Variants in PTPRT observed in about 807,000 individuals in gnomAD.
PTPRT encodes receptor-type tyrosine-protein phosphatase T.
A neutral mutation model predicts 176.8 loss-of-function variants in PTPRT; 56 were observed. That is an observed-to-expected ratio of 0.32 (90% CI 0.26 to 0.40). The LOEUF (loss-of-function observed/expected upper bound fraction) is 0.40. PTPRT is among the 10% of genes least tolerant of loss of function. PTPRT has a pLI of 1.00. For synonymous variants in PTPRT, 783 were observed against 739.0 expected (o/e 1.06, Z -0.96); for missense variants, 1,540 against 1,908.2 (o/e 0.81, Z 3.60).
chr20:42,498,324 G>T (rs887279617), intron 7 of PTPRT, among the ~76,000 whole-genome samples: 2 of 152,132 alleles, frequency 1.3e-5, no homozygotes, highest in African/African-American at 2.4e-5. Flanking sequence ...GGTTGGACAT[G>T]TCTCATTACA....
At chr20:42,319,248 G>C (rs1352617949) in intron 11 of PTPRT, among the ~76,000 whole-genome samples, 1 of 147,960 alleles carries the variant, frequency 6.8e-6, no homozygotes, top group Admixed American at 6.8e-5. Context: ...TTCATTCATA[G>C]CTCAGTATCC....
intron 7 of PTPRT, among the ~76,000 whole-genome samples, chr20:42,555,724 A>G (rs1230584995): frequency 2.0e-5 from 3 of 152,156 alleles, no homozygotes; most frequent in Non-Finnish European, 2.9e-5. Flanking sequence ...GTATTGCTGT[A>G]CAGAACATCT....
chr20:42,810,584 A>T (rs1427802736), intron 2 of PTPRT, among the ~76,000 whole-genome samples: 2 of 152,226 alleles, frequency 1.3e-5, no homozygotes, highest in African/African-American at 4.8e-5. Context: ...GCAGTTCTGA[A>T]GCTTACCATT....
At chr20:42,218,939 G>A (rs1328542061) in intron 15 of PTPRT, among the ~76,000 whole-genome samples, 1 of 152,202 alleles carries the variant, frequency 6.6e-6, no homozygotes, top group East Asian at 1.9e-4. Context: ...GACAGCCGGT[G>A]GGCTGTTCTC....
At chr20:43,000,198 G>C (rs77674608) in intron 1 of PTPRT, among the ~76,000 whole-genome samples, 9,572 of 152,000 alleles carry the variant, frequency 0.063, 327 homozygotes, top group Non-Finnish European at 0.079. Flanking sequence ...ACTCAAAACA[G>C]AATATAAACT....
intron 6 of PTPRT, among the ~76,000 whole-genome samples, chr20:42,698,730 C>T (rs2075924375): frequency 6.6e-6 from 1 of 152,126 alleles, no homozygotes; most frequent in Admixed American, 6.5e-5. Context: ...CAAAGATTTC[C>T]TGAACACTCA....
chr20:42,504,145 G>T (rs2071803718), intron 7 of PTPRT, among the ~76,000 whole-genome samples: 1 of 151,958 alleles, frequency 6.6e-6, no homozygotes, highest in South Asian at 2.1e-4. Flanking sequence ...GTACCTAGAA[G>T]GATGCCTGGA....
At position 42,323,325 on chromosome 20, in the gene PTPRT, G is replaced by T. The variant is rs527610202; in HGVS notation, c.1866-7329C>A. ...CACATGCACACATATGTTTATTGCG[G>T]CACTATTCACAATAGCAAAGACTCG... On this transcript the variant is annotated intron_variant, in intron 11 of 30. Transcript: ENST00000373187. Among the ~76,000 whole-genome samples the T allele has an allele frequency of 3.9e-5, 6 of 152,208 alleles. No homozygotes were observed. In the South Asian group the frequency reaches 1.0e-3, roughly 26 times the overall value.
At chr20:42,376,117 C>T (rs959594969) in intron 9 of PTPRT, among the ~76,000 whole-genome samples, 2 of 152,140 alleles carry the variant, frequency 1.3e-5, no homozygotes, top group African/African-American at 2.4e-5. Flanking sequence ...TCCCCAATTA[C>T]GTGAGAAAAC....
chr20:42,327,080 GGTGT>G lies in PTPRT; in HGVS notation c.1866-11088_1866-11085del, dbSNP rs139401290. Among the ~76,000 whole-genome samples the G allele has an allele frequency of 7.2e-3, 1,055 of 146,220 alleles. 4 individuals are homozygous for G. Among genetic ancestry groups the G allele is most frequent in the East Asian group, 0.012 (61 of 4,986 alleles). ...GTTAAATAAAAATGGACTAGGTAGG[GGTGT>G]GTGTGTGTGTGTGTGTGTGTGTGTG... On this transcript the variant is annotated intron_variant, in intron 11 of 30. Transcript: ENST00000373187.
the PTPRT span, among the ~76,000 whole-genome samples, chr20:42,055,874 T>A: frequency 6.6e-6 from 1 of 151,846 alleles, no homozygotes; most frequent in African/African-American, 2.4e-5. Flanking sequence ...AGAGTAGGAG[T>A]GTAATTTCTG....
intron 7 of PTPRT, among the ~76,000 whole-genome samples, chr20:42,558,312 A>T (rs116543291): frequency 0.014 from 2,155 of 152,234 alleles, 61 homozygotes; most frequent in African/African-American, 0.05. Flanking sequence ...CCTGAAAAAG[A>T]CATGATCTCA....
At chr20:42,363,562 G>A (rs369954503) in intron 9 of PTPRT, among the ~76,000 whole-genome samples, 23 of 151,288 alleles carry the variant, frequency 1.5e-4, no homozygotes, top group Admixed American at 4.0e-4. Flanking sequence ...AGCCCGCCTC[G>A]GCCTCCCAAA....
intron 7 of PTPRT, among the ~76,000 whole-genome samples, chr20:42,669,961 A>G (rs1438450992): frequency 6.6e-6 from 1 of 152,088 alleles, no homozygotes; most frequent in Non-Finnish European, 1.5e-5. Context: ...AAAAAGGACA[A>G]TTCCCATCCC....
intron 7 of PTPRT, among the ~76,000 whole-genome samples, chr20:42,581,788 G>A (rs147272167): frequency 9.3e-4 from 141 of 152,224 alleles, no homozygotes; most frequent in African/African-American, 3.3e-3. Flanking sequence ...TTAAAACATC[G>A]CAATTGTAGG....
chr20:42,484,608 C>T (rs913034779), intron 7 of PTPRT, among the ~76,000 whole-genome samples: 8 of 152,128 alleles, frequency 5.3e-5, no homozygotes, highest in East Asian at 1.9e-4. Flanking sequence ...TCATTTGTAG[C>T]GTGTCTGACA....
chr20:43,180,682 C>T (rs1218987490), intron 1 of PTPRT, among the ~76,000 whole-genome samples: 2 of 152,006 alleles, frequency 1.3e-5, no homozygotes, highest in African/African-American at 2.4e-5. Context: ...AGGTTGGTCT[C>T]GAACTACTAA....
chr20:42,055,343 T>C, the PTPRT span, among the ~76,000 whole-genome samples: 1 of 152,260 alleles, frequency 6.6e-6, no homozygotes, highest in Non-Finnish European at 1.5e-5. Flanking sequence ...TTCAAACTCA[T>C]GCATTCTTTT....
At chr20:42,284,808 A>G (rs912981748) in intron 12 of PTPRT, among the ~76,000 whole-genome samples, 1 of 151,960 alleles carries the variant, frequency 6.6e-6, no homozygotes, top group Admixed American at 6.6e-5. Context: ...ACAAACAATT[A>G]TTTCATTTTA....
Sources: allele counts gnomAD v4.1 joint callset (sites outside exome capture counted in the v4.1 genomes callset), GRCh38; gene constraint gnomAD v4.1.1; transcripts MANE v1.5; gene names NCBI Gene and HGNC (gene_info 2026-07-23, HGNC 2026-07-21).